Variants in PRKAG2 observed in about 807,000 individuals in gnomAD.
PRKAG2 encodes the protein 5'-AMP-activated protein kinase subunit gamma-2.
A neutral mutation model predicts 69.6 loss-of-function variants in PRKAG2; 26 were observed. The ratio of observed to expected loss-of-function variants is 0.37; its 90% CI spans 0.27 to 0.52. The LOEUF is 0.52. Among genes scored for constraint, PRKAG2 ranks in the 20% least tolerant of loss-of-function variants. The pLI is 0.90. For synonymous variants in PRKAG2, 293 were observed against 285.0 expected (o/e 1.03, Z -0.28); for missense variants, 557 against 740.0 (o/e 0.75, Z 2.87).
At chr7:151,839,987 A>G (rs938636807) in intron 1 of PRKAG2, among the ~76,000 whole-genome samples, 1 of 152,210 alleles carries the variant, frequency 6.6e-6, no homozygotes, top group African/African-American at 2.4e-5. Context: ...GAGGGAGATC[A>G]GATATCCCCC....
intron 3 of PRKAG2, among the ~76,000 whole-genome samples, chr7:151,747,606 T>C (rs372505623): frequency 1.3e-5 from 2 of 152,104 alleles, no homozygotes; most frequent in South Asian, 2.1e-4. Flanking sequence ...AAGTATGTAA[T>C]GCATCTGACA....
At chr7:151,845,385 G>T (rs2151890845) in intron 1 of PRKAG2, among the ~76,000 whole-genome samples, 1 of 152,268 alleles carries the variant, frequency 6.6e-6, no homozygotes, top group East Asian at 1.9e-4. Flanking sequence ...CGGACCAGCA[G>T]CGTCCTTGTC....
chr7:151,819,467 T>C (rs1407764082), intron 1 of PRKAG2, among the ~76,000 whole-genome samples: 1 of 152,172 alleles, frequency 6.6e-6, no homozygotes, highest in African/African-American at 2.4e-5. Context: ...TTTACCAAAG[T>C]AACCAGATGT....
At chr7:151,682,773 G>T (rs1413522836) in intron 3 of PRKAG2, among the ~76,000 whole-genome samples, 1 of 149,740 alleles carries the variant, frequency 6.7e-6, no homozygotes, top group Admixed American at 6.7e-5. Context: ...ATAAAGTCGA[G>T]AACCAGGAAA....
chr7:151,604,655 CAT>C (rs201158934), intron 5 of PRKAG2, among the ~76,000 whole-genome samples: 2 of 151,138 alleles, frequency 1.3e-5, no homozygotes, highest in African/African-American at 4.9e-5. Context: ...TACACACACA[CAT>C]ACACACACAC....
intron 5 of PRKAG2, among the ~76,000 whole-genome samples, chr7:151,606,091 T>C (rs6959337): frequency 0.2 from 30,421 of 152,062 alleles, 3,855 homozygotes; most frequent in African/African-American, 0.35. Context: ...GATGAGGTCT[T>C]ACTATGTTGC....
chr7:151,745,242 T>C (rs991701414), intron 3 of PRKAG2, among the ~76,000 whole-genome samples: 2 of 152,214 alleles, frequency 1.3e-5, no homozygotes, highest in African/African-American at 4.8e-5. Context: ...CATCTCATTA[T>C]GCAAGAGGGC....
intron 3 of PRKAG2, among the ~76,000 whole-genome samples, chr7:151,725,617 G>T (rs979572972): frequency 6.6e-6 from 1 of 150,508 alleles, no homozygotes; most frequent in African/African-American, 2.4e-5. Context: ...CCACAGAAGA[G>T]CTAATATCAA....
At chr7:151,796,780 C>T (rs185079110) in intron 1 of PRKAG2, among the ~76,000 whole-genome samples, 10 of 152,204 alleles carry the variant, frequency 6.6e-5, no homozygotes, top group South Asian at 2.1e-4. Context: ...GAGGACGGCC[C>T]GGGGGCCAGT....
intron 1 of PRKAG2, among the ~76,000 whole-genome samples, chr7:151,837,959 C>T (rs887272198): frequency 3.9e-5 from 6 of 152,184 alleles, no homozygotes; most frequent in East Asian, 1.9e-4. Context: ...GAGCAGGCCG[C>T]GCCTGGGCCT....
chr7:151,713,872 G>A (rs1406121384), intron 3 of PRKAG2, among the ~76,000 whole-genome samples: 1 of 152,148 alleles, frequency 6.6e-6, no homozygotes, highest in Non-Finnish European at 1.5e-5. Context: ...CACTGCACCT[G>A]ACCCCCAGTG....
In PRKAG2 at chr7:151,777,435, C is replaced by T. The variant is rs1340284796; in HGVS notation, c.466+3717G>A. Among the ~76,000 whole-genome samples, 1 of 152,146 alleles carries T rather than the reference C, an allele frequency of 6.6e-6. No individual in the cohort carries two copies. Among genetic ancestry groups the T allele is most frequent in the Non-Finnish European group, 1.5e-5 (1 of 68,018 alleles). The stretch of plus-strand genomic sequence containing the variant: ...GTGGGAGGTGTTTGGGTCCTGGGGG[C>T]AGATGCCTCATGAATGGCTGGGTTG... On this transcript the variant is annotated intron_variant, in intron 3 of 15. Transcript: ENST00000287878. This position sits in a 1 kb window ranked among gnomAD's most constrained non-coding sequence, Gnocchi z 4.3.
intron 5 of PRKAG2, among the ~76,000 whole-genome samples, chr7:151,598,387 G>T (rs1815159170): frequency 6.6e-6 from 1 of 152,142 alleles, no homozygotes; most frequent in South Asian, 2.1e-4. Context: ...ACAGTGGGGT[G>T]ACTATAGTTA....
rs1043292303 is a variant in PRKAG2, at chr7:151,876,425, G to A, written c.114+82C>T. 34 of 1,355,692 alleles carry A rather than the reference G, an allele frequency of 2.5e-5. No homozygotes were observed. The Admixed American group carries it at 5.0e-4, about 20-fold the overall frequency. 84.0% of individuals were successfully genotyped at this position (1,355,692 alleles called of 1,614,324 possible). The stretch of plus-strand genomic sequence containing the variant: ...GAGGGGCACGCACGGCGCGCGCGGG[G>A]CGTCCAGCGTTAACCGCTTCGGCGC... On this transcript the variant is annotated intron_variant, in intron 1 of 15. Coordinates refer to ENST00000287878, the MANE Select transcript of PRKAG2 (RefSeq NM_016203.4).
chr7:151,679,527 C>CT (rs1415908208), intron 3 of PRKAG2, among the ~76,000 whole-genome samples: 2 of 152,134 alleles, frequency 1.3e-5, no homozygotes, highest in African/African-American at 4.8e-5. Context: ...CCCCTGCTTC[C>CT]TGTAGGCATG....
At chr7:151,715,746 G>C (rs1041899118) in intron 3 of PRKAG2, among the ~76,000 whole-genome samples, 3 of 152,190 alleles carry the variant, frequency 2.0e-5, no homozygotes, top group African/African-American at 2.4e-5. Flanking sequence ...GAAGGCTGAA[G>C]AATTAAAGAT....
intron 1 of PRKAG2, among the ~76,000 whole-genome samples, chr7:151,838,775 G>A (rs1274024336): frequency 1.3e-5 from 2 of 151,794 alleles, no homozygotes; most frequent in Non-Finnish European, 2.9e-5. Flanking sequence ...AACACTTTGG[G>A]CGGCTGAGAC....
intron 3 of PRKAG2, among the ~76,000 whole-genome samples, chr7:151,776,740 C>T (rs917427083): frequency 2.0e-5 from 3 of 152,220 alleles, no homozygotes; most frequent in African/African-American, 7.2e-5. Context: ...GCAGTGCAGG[C>T]ACCCTAGGTG....
intron 5 of PRKAG2, among the ~76,000 whole-genome samples, chr7:151,601,554 C>A (rs775117595): frequency 1.6e-4 from 24 of 151,982 alleles, no homozygotes; most frequent in Non-Finnish European, 3.2e-4. Context: ...CCTTCGTGAC[C>A]CTGGAGTGAA....
Sources: gnomAD v4.1 joint callset for allele counts (sites outside exome capture counted in the v4.1 genomes callset) on GRCh38, gnomAD v4.1.1 for gene constraint, Gnocchi (gnomAD v3.1) non-coding constraint, MANE v1.5 for transcripts, NCBI Gene and HGNC (gene_info 2026-07-23, HGNC 2026-07-21) for gene names.